Variants in USH2A observed in about 807,000 individuals in gnomAD.
The protein encoded by USH2A is Usher syndrome 2A (autosomal recessive, mild).
A neutral mutation model predicts 538.9 loss-of-function variants in USH2A; 443 were observed. The ratio of observed to expected loss-of-function variants is 0.82; its 90% CI spans 0.76 to 0.89. The LOEUF (loss-of-function observed/expected upper bound fraction) is 0.89, where lower values mean the gene tolerates loss of function less well. USH2A is among the 40% of genes least tolerant of loss of function. The pLI, the probability that USH2A is intolerant of heterozygous loss-of-function variation, is 0.00. For missense variants in USH2A, 6,633 were observed against 6,324.8 expected (o/e 1.05, Z -1.65); for synonymous variants, 2,413 against 2,273.5 (o/e 1.06, Z -1.75).
At chr1:216,281,783 C>T (rs938263506) in intron 11 of USH2A, among the ~76,000 whole-genome samples, 3 of 150,828 alleles carry the variant, frequency 2.0e-5, no homozygotes, top group South Asian at 2.1e-4. Flanking sequence ...TTTCCAAAGT[C>T]GGTGCACATT....
At chr1:216,094,454 A>C (rs2032389746) in intron 22 of USH2A, among the ~76,000 whole-genome samples, 1 of 152,152 alleles carries the variant, frequency 6.6e-6, no homozygotes, top group Admixed American at 6.5e-5. Flanking sequence ...TTTTAGCAAC[A>C]AATGATTATT....
intron 9 of USH2A, among the ~76,000 whole-genome samples, chr1:216,318,524 A>T (rs1401007921): frequency 6.6e-6 from 1 of 152,154 alleles, no homozygotes; most frequent in Non-Finnish European, 1.5e-5. Flanking sequence ...ATTATTGAAA[A>T]TATCATAGGA....
chr1:216,214,602 G>A (rs2035308043), intron 15 of USH2A, among the ~76,000 whole-genome samples: 1 of 151,890 alleles, frequency 6.6e-6, no homozygotes, highest in Non-Finnish European at 1.5e-5. Context: ...TGACAGAAGT[G>A]TTCTACAATT....
intron 61 of USH2A, among the ~76,000 whole-genome samples, chr1:215,688,032 G>T (rs1345511685): frequency 6.6e-6 from 1 of 152,116 alleles, no homozygotes. Flanking sequence ...AAGGGAATAA[G>T]TAGGGTGGTG....
chr1:216,069,539 A>G (rs1300504826), intron 30 of USH2A, among the ~76,000 whole-genome samples: 1 of 152,146 alleles, frequency 6.6e-6, no homozygotes, highest in Non-Finnish European at 1.5e-5. Flanking sequence ...CTCTTAATAC[A>G]CACGCATGAA....
intron 37 of USH2A, among the ~76,000 whole-genome samples, chr1:215,961,034 T>A (rs755012331): frequency 2.0e-5 from 3 of 152,058 alleles, no homozygotes; most frequent in Admixed American, 1.3e-4. Flanking sequence ...GTTGAGAGTC[T>A]AATTAATTAG....
At chr1:215,734,385 G>C (rs1240874051) in intron 60 of USH2A, among the ~76,000 whole-genome samples, 1 of 152,124 alleles carries the variant, frequency 6.6e-6, no homozygotes, top group East Asian at 1.9e-4. Flanking sequence ...TGTTGAGAGG[G>C]GCTGCCTGTA....
chr1:216,233,296 G>A (rs1419766424), intron 13 of USH2A, among the ~76,000 whole-genome samples: 2 of 152,050 alleles, frequency 1.3e-5, no homozygotes, highest in Non-Finnish European at 2.9e-5. Flanking sequence ...CTGCTGGGAT[G>A]ATTTTGACCT....
At position 216,048,383 on chromosome 1, in the gene USH2A, C is replaced by G; in HGVS notation, c.6163+151G>C. ...AGTTTGATTCATTTTCGCACCCCCC[C>G]AAAAAATGGAGCAATTATGGCCTGG... is the stretch of plus-strand genomic sequence containing the variant. On this transcript the variant is annotated intron_variant, in intron 31 of 71. Transcript: ENST00000307340. 5.2e-6 allele frequency: 4 copies of G among 776,420 alleles called. No individual in the cohort carries two copies. In the South Asian group the frequency reaches 5.9e-5, roughly 12 times the overall value. The allele number at this position is 776,420 out of a possible 1,614,324, so 48.1% of individuals were successfully genotyped here.
At chr1:215,861,855 T>TC (rs1400118661) in intron 44 of USH2A, among the ~76,000 whole-genome samples, 28 of 138,120 alleles carry the variant, frequency 2.0e-4, no homozygotes, top group African/African-American at 6.1e-4. Context: ...TTTTTTTTTT[T>TC]TTTGAGACAG....
intron 30 of USH2A, among the ~76,000 whole-genome samples, chr1:216,067,266 T>C (rs1042250451): frequency 3.3e-5 from 5 of 151,828 alleles, no homozygotes; most frequent in Non-Finnish European, 7.4e-5. Flanking sequence ...TGTCGAGCGG[T>C]GGAGGGTGTG....
chr1:216,185,976 T>C (rs2034591435), intron 20 of USH2A, among the ~76,000 whole-genome samples: 2 of 151,856 alleles, frequency 1.3e-5, no homozygotes, highest in African/African-American at 4.8e-5. Context: ...TAAACCCAAC[T>C]GTAAGTAAAA....
At position 216,127,498 on chromosome 1, in the gene USH2A, C is replaced by G. The variant is rs368534822; in HGVS notation, c.4628-30285G>C. The stretch of plus-strand genomic sequence containing the variant: ...TCATGGCCAGCTTTGGCAATGCTTT[C>G]TCTTCTTTATTTGATTTGTTTCAGG... On this transcript the variant is annotated intron_variant, in intron 21 of 71. Coordinates refer to ENST00000307340, the MANE Select transcript of USH2A (RefSeq NM_206933.4). 2.0e-5 allele frequency among the ~76,000 whole-genome samples: 3 copies of G among 152,310 alleles called. No individual in the cohort carries two copies. The South Asian group carries it at 6.2e-4, about 32-fold the overall frequency.
intron 68 of USH2A, among the ~76,000 whole-genome samples, chr1:215,640,346 G>T (rs1345776163): frequency 6.6e-6 from 1 of 152,066 alleles, no homozygotes; most frequent in Non-Finnish European, 1.5e-5. Context: ...CTGTCCCCTT[G>T]AACTGCATTA....
chr1:215,712,001 T>C (rs1659349579), intron 61 of USH2A, among the ~76,000 whole-genome samples: 1 of 152,208 alleles, frequency 6.6e-6, no homozygotes, highest in South Asian at 2.1e-4. Flanking sequence ...AATAAGCATA[T>C]ATTCCACTAA....
intron 11 of USH2A, among the ~76,000 whole-genome samples, chr1:216,271,387 G>T (rs2036572764): frequency 6.6e-6 from 1 of 152,084 alleles, no homozygotes; most frequent in Non-Finnish European, 1.5e-5. Context: ...AGAGTAGTGT[G>T]AGGAGGGGAT....
chr1:216,171,218 T>C (rs2034270491), intron 21 of USH2A, among the ~76,000 whole-genome samples: 1 of 152,016 alleles, frequency 6.6e-6, no homozygotes, highest in Non-Finnish European at 1.5e-5. Flanking sequence ...ATGCCATGAT[T>C]ACAGCCTGTA....
intron 21 of USH2A, among the ~76,000 whole-genome samples, chr1:216,099,312 C>T (rs1317613565): frequency 1.3e-5 from 2 of 152,042 alleles, no homozygotes. Context: ...CCTGGCAACT[C>T]TTCCACTCCA....
At chr1:215,799,984 C>T (rs982640616) in intron 49 of USH2A, among the ~76,000 whole-genome samples, 1 of 151,842 alleles carries the variant, frequency 6.6e-6, no homozygotes, top group African/African-American at 2.4e-5. Context: ...ATCTAAAAAA[C>T]AAAAACAAAC....
Sources: gnomAD v4.1 joint callset for allele counts (sites outside exome capture counted in the v4.1 genomes callset) on GRCh38, gnomAD v4.1.1 for gene constraint, MANE v1.5 for transcripts, NCBI Gene and HGNC (gene_info 2026-07-23, HGNC 2026-07-21) for gene names.